Variants in PTK7 observed in about 807,000 individuals in gnomAD.
PTK7 encodes the protein inactive tyrosine-protein kinase 7.
Under a neutral mutation model 116.6 loss-of-function variants are expected in PTK7, and 39 were observed. That is an observed-to-expected ratio of 0.33 (90% CI 0.26 to 0.44). The LOEUF (loss-of-function observed/expected upper bound fraction) is 0.44. Ranked by LOEUF, PTK7 falls within the 20% of genes least tolerant of loss-of-function variation. The pLI, the probability that PTK7 is intolerant of heterozygous loss-of-function variation, is 1.00. For missense variants in PTK7, 1,169 were observed against 1,425.6 expected, an observed-to-expected ratio of 0.82 and a Z score of 2.90; for synonymous variants, 546 against 563.6, an observed-to-expected ratio of 0.97 and a Z score of 0.44.
intron 17 of PTK7, among the ~76,000 whole-genome samples, chr6:43,152,532 G>A (rs1338357577): frequency 6.6e-6 from 1 of 152,176 alleles, no homozygotes; most frequent in Non-Finnish European, 1.5e-5. Context: ...GTCTGGATGA[G>A]GTTTTTCCCA....
intron 17 of PTK7, among the ~76,000 whole-genome samples, chr6:43,151,122 G>C (rs1427646617): frequency 6.6e-6 from 1 of 151,832 alleles, no homozygotes; most frequent in Non-Finnish European, 1.5e-5. Flanking sequence ...TGCCCAGCCA[G>C]ACTCTGCTTT....
intron 1 of PTK7, among the ~76,000 whole-genome samples, chr6:43,095,605 G>A (rs564313742): frequency 1.3e-5 from 2 of 152,278 alleles, no homozygotes; most frequent in South Asian, 2.1e-4. Flanking sequence ...TCAGCCCCTC[G>A]ATTAAGGAAT....
intron 17 of PTK7, among the ~76,000 whole-genome samples, chr6:43,154,497 G>T (rs1157170203): frequency 6.6e-6 from 1 of 152,134 alleles, no homozygotes; most frequent in Non-Finnish European, 1.5e-5. Flanking sequence ...TTTTTAAAAT[G>T]AAAACATTTC....
intron 1 of PTK7, among the ~76,000 whole-genome samples, chr6:43,109,800 A>G (rs1177686911): frequency 6.7e-6 from 1 of 149,224 alleles, no homozygotes; most frequent in African/African-American, 2.5e-5. Flanking sequence ...CCGGGTTCAC[A>G]CCATTCTCCT....
chr6:43,117,987 C>A (rs928910828), intron 1 of PTK7, among the ~76,000 whole-genome samples: 1 of 151,074 alleles, frequency 6.6e-6, no homozygotes, highest in Non-Finnish European at 1.5e-5. Context: ...CAGGCAGAAT[C>A]CTATGGATTA....
At chr6:43,118,419 C>T (rs1196260145) in intron 1 of PTK7, among the ~76,000 whole-genome samples, 2 of 151,508 alleles carry the variant, frequency 1.3e-5, no homozygotes, top group African/African-American at 2.4e-5. Context: ...CACCTGTAAT[C>T]CCAGCTACTT....
At chr6:43,156,757 G>A (rs779580603) in intron 17 of PTK7, among the ~76,000 whole-genome samples, 17 of 151,936 alleles carry the variant, frequency 1.1e-4, no homozygotes, top group Non-Finnish European at 2.2e-4. Context: ...TTAGCTAGGC[G>A]TGGTAGTGCG....
rs140781667 is a variant in PTK7 at position 43,110,141 on chromosome 6, C to T, written c.80-18836C>T. On this transcript the variant is annotated intron_variant, in intron 1 of 19. Coordinates refer to ENST00000230419, the MANE Select transcript of PTK7 (RefSeq NM_002821.5). ...TCTCCTGAGTAGCTGGGATTACAGG[C>T]GCGCAACACCATGCCCAGCTAATTT... is the stretch of plus-strand genomic sequence containing the variant. Among the ~76,000 whole-genome samples the T allele has an allele frequency of 1.9e-3, 291 of 151,636 alleles. 1 individual carries two copies. The highest frequency in any genetic ancestry group is 3.6e-3 in the Non-Finnish European group (242 of 67,948).
intron 1 of PTK7, among the ~76,000 whole-genome samples, chr6:43,086,540 A>G (rs1766669903): frequency 6.6e-6 from 1 of 152,084 alleles, no homozygotes; most frequent in Non-Finnish European, 1.5e-5. Context: ...CACATTACAA[A>G]TAAGTACTCC....
intron 17 of PTK7, 139 bp downstream of exon 17, chr6:43,146,837 G>A (rs1040903227): frequency 2.5e-5 from 18 of 722,924 alleles, no homozygotes; most frequent in Non-Finnish European, 1.8e-5. Context: ...AATTATCACG[G>A]TAGTCGTCTG....
chr6:43,129,172 G>T lies in PTK7; in HGVS notation c.275G>T (p.Arg92Leu), dbSNP rs1054693529. The T allele has an allele frequency of 6.2e-7, 1 of 1,614,194 alleles. No homozygotes were observed. The highest frequency in any genetic ancestry group is 8.5e-7 in the Non-Finnish European group (1 of 1,180,040). Reference protein sequence around the residue: ...GSSLSFAAVDRLQDSGTFQCV... With the variant: ...GSSLSFAAVDLLQDSGTFQCV... Reference sequence around the variant, plus strand: ...AGCCTGAGCTTTGCAGCTGTGGACCGGCTGCAGGACTCTGGCACCTTCCAG... The same window carrying T: ...AGCCTGAGCTTTGCAGCTGTGGACCTGCTGCAGGACTCTGGCACCTTCCAG... Residue 92 changes from arginine to leucine, a missense_variant, in exon 2 of 20, where the codon CGG (arginine) becomes CTG (leucine). This residue lies in a region of PTK7 where 487 missense variants were observed against 549.8 expected (regional missense o/e 0.89). Coordinates refer to ENST00000230419, the MANE Select transcript of PTK7 (RefSeq NM_002821.5). The surrounding 1 kb of genome is among the most constrained non-coding windows in gnomAD (Gnocchi z 4.5).
chr6:43,150,820 G>A (rs1210783166), intron 17 of PTK7, among the ~76,000 whole-genome samples: 3 of 62,308 alleles, frequency 4.8e-5, no homozygotes, highest in East Asian at 9.0e-4. Flanking sequence ...TTTTTTTCCC[G>A]AGACAGAGTC....
At chr6:43,157,364 A>ATTT (rs1293389236) in intron 17 of PTK7, among the ~76,000 whole-genome samples, 17 of 54,346 alleles carry the variant, frequency 3.1e-4, no homozygotes, top group South Asian at 8.0e-4. Flanking sequence ...ATATATATAT[A>ATTT]TTTTTTTTTT....
chr6:43,118,670 T>A, intron 1 of PTK7, among the ~76,000 whole-genome samples: 1 of 97,288 alleles, frequency 1.0e-5, no homozygotes, highest in South Asian at 3.4e-4. Flanking sequence ...TATATATATA[T>A]ATATATATAT....
chr6:43,150,135 T>A (rs1254078797), intron 17 of PTK7, among the ~76,000 whole-genome samples: 5 of 152,188 alleles, frequency 3.3e-5, no homozygotes, highest in African/African-American at 1.2e-4. Context: ...ACTAATGATG[T>A]GATGAGAAGC....
At chr6:43,156,636 C>T (rs1196849402) in intron 17 of PTK7, among the ~76,000 whole-genome samples, 4 of 151,900 alleles carry the variant, frequency 2.6e-5, no homozygotes, top group Non-Finnish European at 2.9e-5. Context: ...CACAGTGGCT[C>T]ATGTCTGTAA....
chr6:43,119,121 A>T (rs1435803354), intron 1 of PTK7, among the ~76,000 whole-genome samples: 1 of 151,976 alleles, frequency 6.6e-6, no homozygotes, highest in African/African-American at 2.4e-5. Flanking sequence ...GAGGCCACCT[A>T]TCCCCAAGGG....
At chr6:43,130,972 G>GA (rs1474521017) in intron 5 of PTK7, among the ~76,000 whole-genome samples, 1 of 151,002 alleles carries the variant, frequency 6.6e-6, no homozygotes, top group African/African-American at 2.5e-5. Flanking sequence ...AGACACAAGA[G>GA]ACCTAGGTAG....
chr6:43,087,052 T>C (rs1054345525), intron 1 of PTK7, among the ~76,000 whole-genome samples: 2 of 152,214 alleles, frequency 1.3e-5, no homozygotes, highest in African/African-American at 4.8e-5. Context: ...AAGATGATTT[T>C]GATGCCTCTG....
Sources: allele counts gnomAD v4.1 joint callset (sites outside exome capture counted in the v4.1 genomes callset), GRCh38; gene constraint gnomAD v4.1.1; regional missense constraint gnomAD v4.1.1; non-coding constraint Gnocchi (gnomAD v3.1); transcripts MANE v1.5; gene names NCBI Gene and HGNC (gene_info 2026-07-23, HGNC 2026-07-21).